The following LYPD6 variants were observed in gnomAD, a reference collection of about 807,000 sequenced individuals.
The protein encoded by LYPD6 is ly6/PLAUR domain-containing protein 6.
Under a neutral mutation model 22.7 loss-of-function variants are expected in LYPD6, and 15 were observed. That is an observed-to-expected ratio of 0.66 (90% confidence interval 0.44 to 1.02). LYPD6 has a LOEUF of 1.02. Ranked by LOEUF, LYPD6 falls within the 50% of genes least tolerant of loss-of-function variation. The pLI, the probability that LYPD6 is intolerant of heterozygous loss-of-function variation, is 0.00. For synonymous variants in LYPD6, 72 were observed against 77.5 expected, an observed-to-expected ratio of 0.93 and a Z score of 0.37; for missense variants, 189 against 208.4, an observed-to-expected ratio of 0.91 and a Z score of 0.57.
At chr2:149,415,457 T>C (rs975769644) in intron 1 of LYPD6, among the ~76,000 whole-genome samples, 2 of 152,010 alleles carry the variant, frequency 1.3e-5, no homozygotes, top group African/African-American at 4.8e-5. Flanking sequence ...AGCCTAGAGA[T>C]GGTACAGGCA....
intron 1 of LYPD6, among the ~76,000 whole-genome samples, chr2:149,417,583 G>C (rs1346825941): frequency 6.6e-6 from 1 of 152,112 alleles, no homozygotes; most frequent in Non-Finnish European, 1.5e-5. Flanking sequence ...GAACAATTCT[G>C]GGGTTTGGGG....
chr2:149,363,031 C>G (rs563830457), intron 1 of LYPD6, among the ~76,000 whole-genome samples: 1 of 152,078 alleles, frequency 6.6e-6, no homozygotes, highest in Non-Finnish European at 1.5e-5. Flanking sequence ...CCAGCTTCAG[C>G]GGAGAAGTAT....
chr2:149,404,979 C>G (rs1349857397), intron 1 of LYPD6, among the ~76,000 whole-genome samples: 1 of 152,136 alleles, frequency 6.6e-6, no homozygotes, highest in Non-Finnish European at 1.5e-5. Flanking sequence ...TTTTCTGCAT[C>G]TATTGAGATA....
intron 1 of LYPD6, among the ~76,000 whole-genome samples, chr2:149,332,408 A>G (rs1680956086): frequency 6.6e-6 from 1 of 152,244 alleles, no homozygotes. Flanking sequence ...TTTATAGTAC[A>G]TAATGCATAA....
At chr2:149,406,390 G>C (rs1185382929) in intron 1 of LYPD6, among the ~76,000 whole-genome samples, 1 of 151,368 alleles carries the variant, frequency 6.6e-6, no homozygotes, top group African/African-American at 2.4e-5. Flanking sequence ...AGGTCACTCA[G>C]GACTTGCTTT....
intron 1 of LYPD6, among the ~76,000 whole-genome samples, chr2:149,427,269 C>G (rs998707292): frequency 6.6e-6 from 1 of 152,136 alleles, no homozygotes; most frequent in Non-Finnish European, 1.5e-5. Flanking sequence ...TTTTACACTT[C>G]CGCATTTTTG....
intron 1 of LYPD6, among the ~76,000 whole-genome samples, chr2:149,365,793 G>A (rs898237853): frequency 1.6e-4 from 24 of 152,178 alleles, no homozygotes; most frequent in Admixed American, 9.2e-4. Flanking sequence ...TTGACAGGTA[G>A]GGTTGAGCCT....
At chr2:149,399,401 C>T (rs1365264752) in intron 1 of LYPD6, among the ~76,000 whole-genome samples, 1 of 152,006 alleles carries the variant, frequency 6.6e-6, no homozygotes, top group Non-Finnish European at 1.5e-5. Context: ...ATAATAAAAG[C>T]ACATGTTATT....
At chr2:149,408,887 A>G (rs1682789269) in intron 1 of LYPD6, among the ~76,000 whole-genome samples, 1 of 152,166 alleles carries the variant, frequency 6.6e-6, no homozygotes, top group Non-Finnish European at 1.5e-5. Flanking sequence ...TTAATAGTCG[A>G]CTTTCTGAAT....
intron 2 of LYPD6, among the ~76,000 whole-genome samples, chr2:149,445,428 A>G (rs1683666270): frequency 6.6e-6 from 1 of 152,246 alleles, no homozygotes; most frequent in Non-Finnish European, 1.5e-5. Flanking sequence ...CTCTCTAGCT[A>G]TGAAAGTCCT....
chr2:149,402,349 C>A (rs1682578376), intron 1 of LYPD6, among the ~76,000 whole-genome samples: 1 of 152,122 alleles, frequency 6.6e-6, no homozygotes, highest in South Asian at 2.1e-4. Flanking sequence ...TGTAAACATG[C>A]ATGTGCAAAT....
intron 1 of LYPD6, among the ~76,000 whole-genome samples, chr2:149,351,694 TAAAG>T (rs1681361869): frequency 6.6e-6 from 1 of 152,170 alleles, no homozygotes. Context: ...AGGGGGTTAT[TAAAG>T]AAAGGCATAG....
Position 149,471,867 on chromosome 2 carries a change from T to C in LYPD6, c.*1017T>C, listed in dbSNP as rs1384760384. The C allele has an allele frequency of 3.3e-5, 5 of 152,624 alleles. No homozygotes were observed. Among genetic ancestry groups the C allele is most frequent in the Non-Finnish European group, 7.4e-5 (5 of 68,024 alleles). 9.5% of individuals were successfully genotyped at this position (152,624 alleles called of 1,614,324 possible). On this transcript the variant is annotated 3_prime_UTR_variant, in exon 5 of 5. Coordinates refer to ENST00000334166, the MANE Select transcript of LYPD6 (RefSeq NM_194317.5). ...CACTTCCAAATCCCCAGTGACTTTA[T>C]GGAGAAGATTCTGCATTAAATTGTC...
At chr2:149,468,182 C>CACACACACACACACAT (rs1344504517) in intron 3 of LYPD6, among the ~76,000 whole-genome samples, 6 of 147,176 alleles carry the variant, frequency 4.1e-5, no homozygotes, top group African/African-American at 1.5e-4. Context: ...CACACACACA[C>CACACACACACACACAT]ACACACCAGC....
At chr2:149,411,135 A>T (rs1682841158) in intron 1 of LYPD6, among the ~76,000 whole-genome samples, 1 of 152,164 alleles carries the variant, frequency 6.6e-6, no homozygotes, top group Non-Finnish European at 1.5e-5. Flanking sequence ...CTCAAGCTCC[A>T]TTCCACAGAC....
At chr2:149,392,435 G>C (rs1682332297) in intron 1 of LYPD6, among the ~76,000 whole-genome samples, 1 of 152,178 alleles carries the variant, frequency 6.6e-6, no homozygotes. Flanking sequence ...TCAGTGGTTT[G>C]TTTGGACTGC....
At chr2:149,470,623 C>A in intron 4 of LYPD6, 60 bp from the exon 5 acceptor site, 1 of 1,527,738 alleles carries the variant, frequency 6.5e-7, no homozygotes, top group Non-Finnish European at 9.0e-7. Context: ...CCTTCAAAAA[C>A]CCTGCCTCCT....
chr2:149,480,053 T>C, the LYPD6 span, among the ~76,000 whole-genome samples: 1 of 151,264 alleles, frequency 6.6e-6, no homozygotes, highest in Non-Finnish European at 1.5e-5. Flanking sequence ...GGAGTTTCGC[T>C]CTTGTCACCC....
intron 1 of LYPD6, among the ~76,000 whole-genome samples, chr2:149,368,728 T>G (rs1294040014): frequency 6.6e-6 from 1 of 151,630 alleles, no homozygotes; most frequent in East Asian, 1.9e-4. Flanking sequence ...AGTATGTAGG[T>G]GAAGGGAGAG....
Sources: gnomAD v4.1 joint callset for allele counts (sites outside exome capture counted in the v4.1 genomes callset) on GRCh38, gnomAD v4.1.1 for gene constraint, MANE v1.5 for transcripts, NCBI Gene and HGNC (gene_info 2026-07-23, HGNC 2026-07-21) for gene names.